The following ALK variants were observed in gnomAD, a reference collection of about 807,000 sequenced individuals.
ALK encodes the protein ALK receptor tyrosine kinase.
In ALK, 74 loss-of-function variants were observed where a neutral mutation model predicts 163.1. The ratio of observed to expected loss-of-function variants is 0.45; its 90% CI spans 0.38 to 0.55. The LOEUF is 0.55. Ranked by LOEUF, ALK falls within the 20% of genes least tolerant of loss-of-function variation. The pLI, the probability that ALK is intolerant of heterozygous loss-of-function variation, is 0.00. For missense variants in ALK, 2,063 were observed against 2,105.3 expected, an observed-to-expected ratio of 0.98 and a Z score of 0.39; for synonymous variants, 960 against 843.2, an observed-to-expected ratio of 1.14 and a Z score of -2.40.
chr2:29,279,751 T>G (rs994889722), intron 9 of ALK, among the ~76,000 whole-genome samples: 5 of 152,226 alleles, frequency 3.3e-5, no homozygotes, highest in African/African-American at 1.2e-4. Context: ...TCTCGCAGTC[T>G]CCTGGTTCTA....
At chr2:29,672,431 G>C (rs1295088542) in intron 3 of ALK, among the ~76,000 whole-genome samples, 1 of 150,058 alleles carries the variant, frequency 6.7e-6, no homozygotes, top group South Asian at 2.1e-4. Flanking sequence ...GCGGTGTTTG[G>C]TTTTTTGTTC....
chr2:29,708,308 A>G (rs1678974100), intron 2 of ALK, among the ~76,000 whole-genome samples: 1 of 152,096 alleles, frequency 6.6e-6, no homozygotes, highest in Non-Finnish European at 1.5e-5. Flanking sequence ...ATCTCAGGTA[A>G]TCCACCCACC....
intron 5 of ALK, among the ~76,000 whole-genome samples, chr2:29,338,664 C>T (rs990279039): frequency 6.6e-6 from 1 of 152,212 alleles, no homozygotes; most frequent in Middle Eastern, 3.2e-3. Context: ...TTGCCAGCTT[C>T]TCCCACTAAA....
chr2:29,846,213 C>G (rs577298969), intron 1 of ALK, among the ~76,000 whole-genome samples: 8 of 152,292 alleles, frequency 5.3e-5, no homozygotes, highest in African/African-American at 1.4e-4. Context: ...CACGCTGGTT[C>G]TAGGATCTGG....
chr2:29,676,217 A>G (rs1677867995), intron 3 of ALK, among the ~76,000 whole-genome samples: 1 of 152,078 alleles, frequency 6.6e-6, no homozygotes, highest in Non-Finnish European at 1.5e-5. Context: ...AGCACAATTT[A>G]TCAATGTCTT....
intron 4 of ALK, among the ~76,000 whole-genome samples, chr2:29,531,176 A>G (rs1474774688): frequency 4.6e-5 from 7 of 152,336 alleles, no homozygotes; most frequent in East Asian, 1.9e-4. Flanking sequence ...ACAAGTCACA[A>G]AGAAGGATCC....
intron 3 of ALK, among the ~76,000 whole-genome samples, chr2:29,604,734 C>T (rs905071246): frequency 2.0e-5 from 3 of 152,136 alleles, no homozygotes; most frequent in African/African-American, 7.2e-5. Flanking sequence ...GTTCTGGCAC[C>T]ACATTGCTCT....
intron 3 of ALK, among the ~76,000 whole-genome samples, chr2:29,670,582 C>T (rs28822374): frequency 0.067 from 10,119 of 151,984 alleles, 1,033 homozygotes; most frequent in African/African-American, 0.22. Context: ...ATTATTTCTT[C>T]GAATAAACTT....
At chr2:29,556,560 G>C (rs1234116830) in intron 3 of ALK, among the ~76,000 whole-genome samples, 5 of 152,156 alleles carry the variant, frequency 3.3e-5, no homozygotes, top group Admixed American at 3.3e-4. Context: ...ATGGTGGCAG[G>C]TAAGGCAGGG....
At chr2:29,321,146 C>T (rs1667031324) in intron 6 of ALK, among the ~76,000 whole-genome samples, 2 of 152,138 alleles carry the variant, frequency 1.3e-5, no homozygotes, top group South Asian at 4.2e-4. Flanking sequence ...GTTGTTAGTC[C>T]AGTTGTATAT....
chr2:29,396,985 G>A (rs978109344), intron 4 of ALK, among the ~76,000 whole-genome samples: 8 of 151,904 alleles, frequency 5.3e-5, no homozygotes, highest in Non-Finnish European at 8.8e-5. Flanking sequence ...TGTCTGAGAA[G>A]TTTTTGGAAA....
intron 23 of ALK, among the ~76,000 whole-genome samples, chr2:29,214,646 A>G (rs1485369734): frequency 6.6e-6 from 1 of 152,358 alleles, no homozygotes; most frequent in African/African-American, 2.4e-5. Flanking sequence ...GCTTTTCCGC[A>G]TGAGGTCTCT....
chr2:29,288,813 G>C (rs533383080), intron 9 of ALK, among the ~76,000 whole-genome samples: 1 of 151,798 alleles, frequency 6.6e-6, no homozygotes, highest in South Asian at 2.1e-4. Context: ...TTAGCCAGGC[G>C]TGGTGGTGGA....
intron 1 of ALK, among the ~76,000 whole-genome samples, chr2:29,801,779 G>A (rs1394261169): frequency 1.3e-5 from 2 of 152,144 alleles, no homozygotes; most frequent in Non-Finnish European, 2.9e-5. Context: ...CAATATTGAG[G>A]AAATGGAGGC....
intron 3 of ALK, among the ~76,000 whole-genome samples, chr2:29,552,355 G>A (rs576022448): frequency 1.3e-5 from 2 of 152,056 alleles, no homozygotes; most frequent in Non-Finnish European, 2.9e-5. Flanking sequence ...ATTTTTGGGG[G>A]TGTATATGCA....
intron 1 of ALK, among the ~76,000 whole-genome samples, chr2:29,807,994 G>A (rs1664663396): frequency 6.6e-6 from 1 of 152,188 alleles, no homozygotes; most frequent in African/African-American, 2.4e-5. Context: ...GAGAGAGCAA[G>A]CTTCAGGCTT....
chr2:29,629,681 T>C (rs1676301271), intron 3 of ALK, among the ~76,000 whole-genome samples: 1 of 152,326 alleles, frequency 6.6e-6, no homozygotes, highest in East Asian at 1.9e-4. Flanking sequence ...TACTGAGTAA[T>C]GTTACTCAGT....
At chr2:29,825,213 T>C (rs1328415501) in intron 1 of ALK, among the ~76,000 whole-genome samples, 1 of 152,228 alleles carries the variant, frequency 6.6e-6, no homozygotes, top group African/African-American at 2.4e-5. Flanking sequence ...GTTTTGTAAA[T>C]TGCCCAGTCT....
At chr2:29,298,890 T>C (rs1666281622) in intron 8 of ALK, among the ~76,000 whole-genome samples, 1 of 152,176 alleles carries the variant, frequency 6.6e-6, no homozygotes. Context: ...CTCCTTTCCC[T>C]CCTTTCCCCA....
Sources: allele counts gnomAD v4.1 joint callset (sites outside exome capture counted in the v4.1 genomes callset), GRCh38; gene constraint gnomAD v4.1.1; transcripts MANE v1.5; gene names NCBI Gene and HGNC (gene_info 2026-07-23, HGNC 2026-07-21).